Variants in PREX1 observed in about 807,000 individuals in gnomAD.
PREX1 encodes the protein phosphatidylinositol-3,4,5-trisphosphate dependent Rac exchange factor 1.
A neutral mutation model predicts 198.3 loss-of-function variants in PREX1; 41 were observed. That is an observed-to-expected ratio of 0.21 (90% confidence interval 0.16 to 0.27). The LOEUF is 0.27. Ranked by LOEUF, PREX1 falls within the 10% of genes least tolerant of loss-of-function variation. PREX1 has a pLI of 1.00. For missense variants in PREX1, 1,620 were observed against 2,200.7 expected, an observed-to-expected ratio of 0.74 and a Z score of 5.28; for synonymous variants, 843 against 887.2, an observed-to-expected ratio of 0.95 and a Z score of 0.89.
chr20:48,633,999 A>C (rs892765688), intron 33 of PREX1, among the ~76,000 whole-genome samples: 7 of 151,580 alleles, frequency 4.6e-5, no homozygotes, highest in African/African-American at 1.2e-4. Context: ...GGATGGATGG[A>C]TGGATGGATG....
At chr20:48,739,449 G>T (rs552272271) in intron 3 of PREX1, among the ~76,000 whole-genome samples, 23 of 152,164 alleles carry the variant, frequency 1.5e-4, no homozygotes, top group African/African-American at 5.3e-4. Context: ...AATTTCCCTG[G>T]GTGTCCTTTG....
chr20:48,877,605 CT>C, the PREX1 span, among the ~76,000 whole-genome samples: 13 of 152,212 alleles, frequency 8.5e-5, no homozygotes. Flanking sequence ...GGGAAATGGG[CT>C]ACACTGATTG....
intron 1 of PREX1, among the ~76,000 whole-genome samples, chr20:48,783,920 A>G (rs375938302): frequency 3.9e-5 from 6 of 152,280 alleles, no homozygotes; most frequent in East Asian, 1.9e-4. Flanking sequence ...GTCTTTATGG[A>G]TCTCACGCTC....
At chr20:48,782,779 T>C (rs568594193) in intron 1 of PREX1, among the ~76,000 whole-genome samples, 18 of 152,224 alleles carry the variant, frequency 1.2e-4, no homozygotes, top group African/African-American at 3.4e-4. Flanking sequence ...AGAGGGTCCA[T>C]GGAGCAGCAG....
intron 7 of PREX1, among the ~76,000 whole-genome samples, chr20:48,698,737 G>C (rs554811972): frequency 1.6e-4 from 25 of 152,328 alleles, no homozygotes; most frequent in Non-Finnish European, 2.9e-4. Context: ...TGGTTTCAGA[G>C]CCTCCTGTGC....
Position 48,827,566 on chromosome 20 carries a change from G to T in PREX1, c.219+76C>A. On this transcript the variant is annotated intron_variant, in intron 1 of 39. Transcript: ENST00000371941. This position sits in a 1 kb window ranked among gnomAD's most constrained non-coding sequence, Gnocchi z 4.1. ...CAATTCTCCACCCACGGGGACCACG[G>T]CCACAGGTTGTGGGGACCGCAGCGG... 9.2e-7 allele frequency: 1 copy of T among 1,090,112 alleles called. No individual in the cohort carries two copies. Among genetic ancestry groups the T allele is most frequent in the Non-Finnish European group, 1.2e-6 (1 of 861,348 alleles). The allele number at this position is 1,090,112 out of a possible 1,614,324, so 67.5% of individuals were successfully genotyped here.
At chr20:48,688,320 A>G (rs1248217211) in intron 10 of PREX1, among the ~76,000 whole-genome samples, 1 of 152,160 alleles carries the variant, frequency 6.6e-6, no homozygotes, top group Non-Finnish European at 1.5e-5. Flanking sequence ...ACTTGAATAG[A>G]ATAGAAAGAA....
At chr20:48,660,846 T>A (rs888171652) in intron 15 of PREX1, among the ~76,000 whole-genome samples, 2 of 152,174 alleles carry the variant, frequency 1.3e-5, no homozygotes, top group East Asian at 3.8e-4. Context: ...CAAACTCCAA[T>A]GAGCAGTAAT....
At chr20:48,786,971 GC>G (rs1368934738) in intron 1 of PREX1, among the ~76,000 whole-genome samples, 5 of 121,684 alleles carry the variant, frequency 4.1e-5, no homozygotes, top group South Asian at 3.0e-4. Flanking sequence ...GACCCTCCCA[GC>G]CCCCCCTCCC....
chr20:48,880,981 T>TAAA, the PREX1 span, among the ~76,000 whole-genome samples: 75 of 20,996 alleles, frequency 3.6e-3, 13 homozygotes, highest in African/African-American at 4.2e-3. Context: ...AAACCATTGC[T>TAAA]AAAAAAAAAA....
rs189871303 is a variant in PREX1 at position 48,749,142 on chromosome 20, G to A, written c.220-1262C>T. Among the ~76,000 whole-genome samples, 26 of 152,254 alleles carry A rather than the reference G, an allele frequency of 1.7e-4. 2 individuals are homozygous for A. The East Asian group carries it at 2.1e-3, about 12-fold the overall frequency. ...GCAGAGTCAGCACCTAAGGGAGACC[G>A]AGGCCCAGCACCCACAGCCACCTCC... is the stretch of plus-strand genomic sequence containing the variant. On this transcript the variant is annotated intron_variant, in intron 1 of 39. Coordinates refer to ENST00000371941, the MANE Select transcript of PREX1 (RefSeq NM_020820.4).
chr20:48,737,417 G>A (rs190564443), intron 3 of PREX1, among the ~76,000 whole-genome samples: 7 of 152,080 alleles, frequency 4.6e-5, no homozygotes, highest in East Asian at 1.9e-4. Flanking sequence ...CAGCTCCATC[G>A]GGACGGCGTT....
intron 1 of PREX1, among the ~76,000 whole-genome samples, chr20:48,819,519 T>G (rs1420999651): frequency 6.6e-6 from 1 of 152,198 alleles, no homozygotes; most frequent in African/African-American, 2.4e-5. Context: ...TTTCCTTCTG[T>G]CTGAATCCAC....
At chr20:48,632,454 C>T (rs746714531) in intron 34 of PREX1, 42 bp downstream of exon 34, 55 of 1,613,320 alleles carry the variant, frequency 3.4e-5, no homozygotes, top group Non-Finnish European at 4.4e-5. Flanking sequence ...GTGGCCTTGG[C>T]CCGGCCCCCG....
chr20:48,784,272 C>T (rs1038737605), intron 1 of PREX1, among the ~76,000 whole-genome samples: 3 of 152,146 alleles, frequency 2.0e-5, no homozygotes, highest in Non-Finnish European at 4.4e-5. Context: ...AATGATGTGG[C>T]ATCGTGTAAT....
chr20:48,735,731 C>T (rs2090054457), intron 3 of PREX1, among the ~76,000 whole-genome samples: 1 of 152,134 alleles, frequency 6.6e-6, no homozygotes, highest in South Asian at 2.1e-4. Flanking sequence ...AACAGACTCA[C>T]ATACCCATGA....
intron 1 of PREX1, among the ~76,000 whole-genome samples, chr20:48,820,497 G>A (rs892897887): frequency 6.6e-6 from 1 of 152,216 alleles, no homozygotes; most frequent in Non-Finnish European, 1.5e-5. Context: ...TCTGCTGGGT[G>A]AAAAGGGCAA....
intron 26 of PREX1, 141 bp downstream of exon 26, chr20:48,645,710 G>C (rs1330416266): frequency 2.0e-6 from 2 of 975,680 alleles, no homozygotes; most frequent in African/African-American, 3.3e-5. Context: ...TAATCCCCCA[G>C]AACCACGCTA....
At chr20:48,687,118 G>A (rs919069615) in intron 10 of PREX1, among the ~76,000 whole-genome samples, 1 of 152,212 alleles carries the variant, frequency 6.6e-6, no homozygotes, top group East Asian at 1.9e-4. Flanking sequence ...TATCCCTTCA[G>A]GTTCCCCTGC....
Sources: allele counts gnomAD v4.1 joint callset (sites outside exome capture counted in the v4.1 genomes callset), GRCh38; gene constraint gnomAD v4.1.1; non-coding constraint Gnocchi (gnomAD v3.1); transcripts MANE v1.5; gene names NCBI Gene and HGNC (gene_info 2026-07-23, HGNC 2026-07-21).